NEBL: variants seen among roughly 807,000 people sequenced by gnomAD.
The protein encoded by NEBL is LIM and SH3 protein 2.
Under a neutral mutation model 140.2 loss-of-function variants are expected in NEBL, and 122 were observed. The ratio of observed to expected loss-of-function variants is 0.87; its 90% CI spans 0.75 to 1.01. NEBL has a LOEUF of 1.01. Among genes scored for constraint, NEBL ranks in the 50% least tolerant of loss-of-function variants. NEBL has a pLI of 0.00. For missense variants in NEBL, 1,365 were observed against 1,231.3 expected (o/e 1.11, Z -1.62); for synonymous variants, 436 against 398.9 (o/e 1.09, Z -1.11).
At chr10:21,177,789 A>G (rs1368486218), upstream of NEBL, among the ~76,000 whole-genome samples, 1 of 152,126 alleles carries the variant, frequency 6.6e-6, no homozygotes, top group East Asian at 1.9e-4. Context: ...CGGCCTCCCA[A>G]AGTGCTGGGA....
At chr10:21,171,335 C>CAAAAAAAA (rs576463516) in intron 2 of NEBL, among the ~76,000 whole-genome samples, 1 of 66,740 alleles carries the variant, frequency 1.5e-5, no homozygotes, top group Non-Finnish European at 3.3e-5. Context: ...ACTTCTGTCT[C>CAAAAAAAA]AAAAAAAAAA....
chr10:21,239,089 C>T (rs1842401180), intron 3 of NEBL, among the ~76,000 whole-genome samples: 1 of 152,098 alleles, frequency 6.6e-6, no homozygotes, highest in East Asian at 1.9e-4. Flanking sequence ...TCTTTTGTTT[C>T]ATAGATGATA....
At chr10:21,200,982 C>T (rs1352295259) in intron 3 of NEBL, among the ~76,000 whole-genome samples, 6 of 151,618 alleles carry the variant, frequency 4.0e-5, no homozygotes, top group Admixed American at 1.3e-4. Context: ...TCCAGCTACT[C>T]AGGAGGGAGG....
Position 21,208,130 on chromosome 10 carries a change from G to T in NEBL, n.349-35653C>A, listed in dbSNP as rs1044898701. Among the ~76,000 whole-genome samples the T allele has an allele frequency of 7.2e-5, 11 of 152,256 alleles. No individual in the cohort carries two copies. The South Asian group carries it at 2.3e-3, about 32-fold the overall frequency. The stretch of plus-strand genomic sequence containing the variant: ...AGGAGTTCTAGGCTGGGGTTTTTAA[G>T]AAGATTGTGGAGGATAAAGGGCTAG... On this transcript the variant is annotated intron_variant and non_coding_transcript_variant, in intron 3 of 8. Coordinates refer to the NEBL transcript ENST00000675702.
intron 3 of NEBL, among the ~76,000 whole-genome samples, chr10:21,206,698 C>T (rs559876614): frequency 3.9e-5 from 6 of 152,084 alleles, no homozygotes; most frequent in African/African-American, 4.8e-5. Context: ...CTAGGGTTTT[C>T]GAGAGTTTGG....
rs140425168 is a variant in NEBL at position 20,907,984 on chromosome 10, A to G, written c.357+53688T>C. On this transcript the variant is annotated intron_variant, in intron 4 of 6. Coordinates refer to the NEBL transcript ENST00000417816. The stretch of plus-strand genomic sequence containing the variant: ...AAGCTATGCTGACATTTTTTGGGAA[A>G]GAGGAACTCCATATAAAAATGATGG... 4.9e-3 allele frequency among the ~76,000 whole-genome samples: 750 copies of G among 152,318 alleles called. 5 individuals carry two copies. Among genetic ancestry groups the G allele is most frequent in the African/African-American group, 0.017 (721 of 41,576 alleles).
At chr10:21,033,740 C>CG (rs1564487510) in intron 2 of NEBL, among the ~76,000 whole-genome samples, 17 of 61,902 alleles carry the variant, frequency 2.7e-4, no homozygotes, top group African/African-American at 9.5e-4. Context: ...ACTTTGTCTC[C>CG]GAAAAAAAAA....
At chr10:21,171,063 C>T (rs1000451013) in intron 2 of NEBL, among the ~76,000 whole-genome samples, 2 of 152,092 alleles carry the variant, frequency 1.3e-5, no homozygotes, top group African/African-American at 2.4e-5. Context: ...AGGCCAGGTG[C>T]GGTGGCTCAC....
chr10:21,112,567 C>T (rs1222510903), intron 2 of NEBL, among the ~76,000 whole-genome samples: 2 of 129,122 alleles, frequency 1.5e-5, no homozygotes, highest in Admixed American at 8.8e-5. Context: ...CGGTGGGGAA[C>T]ATCACACACT....
At chr10:21,018,010 T>A (rs1390236417) in intron 3 of NEBL, among the ~76,000 whole-genome samples, 1 of 152,012 alleles carries the variant, frequency 6.6e-6, no homozygotes, top group East Asian at 1.9e-4. Flanking sequence ...TTTGTAGGGA[T>A]GAGGTTTCAC....
intron 3 of NEBL, among the ~76,000 whole-genome samples, chr10:21,241,911 C>T (rs907066597): frequency 3.3e-5 from 5 of 151,614 alleles, no homozygotes; most frequent in East Asian, 1.9e-4. Context: ...ATCTAAGAAA[C>T]GTTCTGTAGG....
intron 5 of NEBL, among the ~76,000 whole-genome samples, chr10:20,873,061 G>A (rs569648701): frequency 6.6e-6 from 1 of 152,194 alleles, no homozygotes; most frequent in Non-Finnish European, 1.5e-5. Flanking sequence ...TCTGAATCAG[G>A]ACCCGTTTCC....
chr10:20,836,541 T>C (rs961497315), intron 13 of NEBL, among the ~76,000 whole-genome samples: 2 of 152,094 alleles, frequency 1.3e-5, no homozygotes, highest in African/African-American at 4.8e-5. Flanking sequence ...ATCTTTGATG[T>C]TACTATTGAG....
chr10:21,275,947 A>G (rs1321710272), intron 1 of NEBL, among the ~76,000 whole-genome samples: 1 of 146,660 alleles, frequency 6.8e-6, no homozygotes, highest in Non-Finnish European at 1.5e-5. Flanking sequence ...TACAGGAGTG[A>G]GCCACCACAG....
At chr10:21,035,036 T>C (rs1833959338) in intron 2 of NEBL, among the ~76,000 whole-genome samples, 2 of 152,020 alleles carry the variant, frequency 1.3e-5, no homozygotes, top group African/African-American at 4.8e-5. Flanking sequence ...TCTAGCTCTG[T>C]TGCCCAGGCT....
intron 22 of NEBL, 117 bp from the exon 23 acceptor site, chr10:20,814,160 T>C: frequency 1.4e-6 from 1 of 737,410 alleles, no homozygotes; most frequent in South Asian, 1.5e-5. Flanking sequence ...TCCAGGTAAC[T>C]ATTTCAGTGA....
intron 2 of NEBL, among the ~76,000 whole-genome samples, chr10:21,072,037 T>C (rs1835842112): frequency 6.6e-6 from 1 of 152,200 alleles, no homozygotes; most frequent in Admixed American, 6.5e-5. Context: ...AGGCTGGTCT[T>C]TAACTCCTGA....
At chr10:21,280,619 CTT>C (rs554320752) in intron 1 of NEBL, among the ~76,000 whole-genome samples, 6 of 98,128 alleles carry the variant, frequency 6.1e-5, no homozygotes, top group Non-Finnish European at 1.1e-4. Flanking sequence ...TTTCTTTTTC[CTT>C]TTTTTTTTTT....
intron 2 of NEBL, among the ~76,000 whole-genome samples, chr10:21,034,369 T>C (rs1464190596): frequency 6.6e-6 from 1 of 152,076 alleles, no homozygotes; most frequent in Non-Finnish European, 1.5e-5. Flanking sequence ...GATCTATGCC[T>C]AGCTTATGGG....
Sources: allele counts gnomAD v4.1 joint callset (sites outside exome capture counted in the v4.1 genomes callset), GRCh38; gene constraint gnomAD v4.1.1; transcripts MANE v1.5; gene names NCBI Gene and HGNC (gene_info 2026-07-23, HGNC 2026-07-21).